The following TINAG variants were observed in gnomAD, a reference collection of about 807,000 sequenced individuals.
TINAG encodes the protein tubulointerstitial nephritis antigen.
Under a neutral mutation model 72.7 loss-of-function variants are expected in TINAG, and 83 were observed. The observed-to-expected ratio is 1.14, with a 90% CI of 0.96 to 1.37. The LOEUF is 1.37. TINAG is among the 40% of genes most tolerant of loss of function. TINAG has a pLI of 0.00. For missense variants in TINAG, 685 were observed against 576.6 expected (o/e 1.19, Z -1.93); for synonymous variants, 234 against 189.9 (o/e 1.23, Z -1.91).
intron 1 of TINAG, among the ~76,000 whole-genome samples, chr6:54,309,905 T>C (rs1274813860): frequency 6.6e-6 from 1 of 152,106 alleles, no homozygotes; most frequent in Non-Finnish European, 1.5e-5. Context: ...ATCTTGTTTG[T>C]AAAATTGAGG....
chr6:54,338,144 A>C (rs1403533778), intron 4 of TINAG, among the ~76,000 whole-genome samples: 1 of 152,138 alleles, frequency 6.6e-6, no homozygotes, highest in Non-Finnish European at 1.5e-5. Flanking sequence ...CTCTCAAATC[A>C]ATTTTCAGAT....
intron 4 of TINAG, among the ~76,000 whole-genome samples, chr6:54,339,025 G>A (rs747170383): frequency 2.0e-5 from 3 of 152,068 alleles, no homozygotes; most frequent in African/African-American, 7.2e-5. Flanking sequence ...AAATATCACA[G>A]TTCATCCATT....
chr6:54,371,110 CTGTGTGTGTGTGTG>C lies in TINAG; in HGVS notation c.1251-9400_1251-9387del, dbSNP rs70983416. ...TCCAAAAAAATGTCACTTACGAAAA[CTGTGTGTGTGTGTG>C]TGTGTGTGTGTGTGTCAGAGAGAGA... On this transcript the variant is annotated intron_variant, in intron 9 of 10. Coordinates refer to ENST00000259782, the MANE Select transcript of TINAG (RefSeq NM_014464.4). Among the ~76,000 whole-genome samples the C allele has an allele frequency of 4.0e-3, 594 of 149,084 alleles. 4 individuals carry two copies. Among genetic ancestry groups the C allele is most frequent in the Non-Finnish European group, 5.5e-3 (373 of 67,216 alleles).
intron 9 of TINAG, chr6:54,365,535 A>C (rs1037601877): frequency 6.6e-6 from 1 of 151,520 alleles, no homozygotes; most frequent in Admixed American, 6.6e-5. Context: ...GACAATGAAG[A>C]AGAGCATAAG....
intron 10 of TINAG, among the ~76,000 whole-genome samples, chr6:54,381,290 C>T (rs1344308020): frequency 6.6e-6 from 1 of 151,418 alleles, no homozygotes; most frequent in Non-Finnish European, 1.5e-5. Context: ...AAGATTGGAA[C>T]ATATTACCTC....
At position 54,390,054 on chromosome 6, in the gene TINAG, T is replaced by A; in HGVS notation, c.*129T>A. The A allele has an allele frequency of 7.6e-7, 1 of 1,311,186 alleles. No individual in the cohort carries two copies. The highest frequency in any genetic ancestry group is 2.4e-4 in the Middle Eastern group (1 of 4,140). The allele number at this position is 1,311,186 out of a possible 1,614,324, so 81.2% of individuals were successfully genotyped here. On this transcript the variant is annotated 3_prime_UTR_variant, in exon 11 of 11. Transcript: ENST00000259782. ...GTGTTAACATAATCTATCTATTTTC[T>A]TATTTTCCCCTCTGGTCTATGCTTC...
intron 4 of TINAG, among the ~76,000 whole-genome samples, chr6:54,333,361 A>G (rs939465951): frequency 1.3e-5 from 2 of 152,072 alleles, no homozygotes. Context: ...GCAAACTAAG[A>G]CAGGAACAGA....
At chr6:54,337,624 C>G (rs1264529671) in intron 4 of TINAG, among the ~76,000 whole-genome samples, 7 of 152,098 alleles carry the variant, frequency 4.6e-5, no homozygotes, top group Non-Finnish European at 1.0e-4. Flanking sequence ...GATTGCAATA[C>G]CATATGTCAC....
At chr6:54,327,919 T>C (rs1784646277) in intron 4 of TINAG, among the ~76,000 whole-genome samples, 2 of 152,102 alleles carry the variant, frequency 1.3e-5, no homozygotes, top group Admixed American at 1.3e-4. Flanking sequence ...CTCTCTAGAT[T>C]CCTCCTGTCT....
chr6:54,341,138 T>C (rs953311921), intron 4 of TINAG, among the ~76,000 whole-genome samples: 1 of 152,138 alleles, frequency 6.6e-6, no homozygotes, highest in Non-Finnish European at 1.5e-5. Context: ...AAATAACAAT[T>C]GACACTCCAC....
chr6:54,311,870 T>C (rs1784266970), intron 1 of TINAG, among the ~76,000 whole-genome samples: 1 of 152,196 alleles, frequency 6.6e-6, no homozygotes, highest in African/African-American at 2.4e-5. Flanking sequence ...ATAAAATTTA[T>C]AGACTTATTT....
intron 1 of TINAG, among the ~76,000 whole-genome samples, chr6:54,314,950 T>A (rs2150930543): frequency 6.6e-6 from 1 of 152,298 alleles, no homozygotes; most frequent in South Asian, 2.1e-4. Context: ...CACATTAGAC[T>A]ATAAATGCTC....
chr6:54,371,985 T>G (rs1034710512), intron 9 of TINAG, among the ~76,000 whole-genome samples: 2 of 83,414 alleles, frequency 2.4e-5, no homozygotes, highest in Admixed American at 1.0e-4. Flanking sequence ...AGTCATGTTT[T>G]TTTTTTTTTT....
intron 4 of TINAG, among the ~76,000 whole-genome samples, chr6:54,333,857 G>C (rs890274982): frequency 6.6e-6 from 1 of 152,040 alleles, no homozygotes; most frequent in African/African-American, 2.4e-5. Flanking sequence ...AGTATCTTCA[G>C]ACATATATGC....
chr6:54,321,410 G>A, intron 3 of TINAG, 24 bp downstream of exon 3: 1 of 1,518,804 alleles, frequency 6.6e-7, no homozygotes. Context: ...TGCTTTGTAT[G>A]TTTCTTGACA....
chr6:54,353,397 C>G (rs1466012195), intron 8 of TINAG, among the ~76,000 whole-genome samples: 1 of 151,816 alleles, frequency 6.6e-6, no homozygotes, highest in Non-Finnish European at 1.5e-5. Context: ...TTTCCCCTGT[C>G]TCAGTACGAA....
At position 54,308,534 on chromosome 6, in the gene TINAG, T is replaced by C. The variant is rs770543263; in HGVS notation, c.-17T>C. The C allele has an allele frequency of 1.2e-5, 19 of 1,590,806 alleles. No homozygotes were observed. In the Admixed American group the frequency reaches 2.9e-4, roughly 25 times the overall value. ...TGGATATAACGGAAAGTGGAAGCTA[T>C]ACCTGACTTCCAGAGAATGTGGACC... On this transcript the variant is annotated 5_prime_UTR_variant, in exon 1 of 11. Coordinates refer to ENST00000259782, the MANE Select transcript of TINAG (RefSeq NM_014464.4).
intron 9 of TINAG, chr6:54,365,262 G>A (rs1037357978): frequency 6.6e-6 from 1 of 151,552 alleles, no homozygotes; most frequent in Non-Finnish European, 1.5e-5. Context: ...ATTGCAAAAG[G>A]CTTCTCTCCT....
At chr6:54,333,288 A>T (rs762224107) in intron 4 of TINAG, among the ~76,000 whole-genome samples, 5 of 152,214 alleles carry the variant, frequency 3.3e-5, no homozygotes, top group African/African-American at 1.2e-4. Flanking sequence ...CTATGCAGCC[A>T]TAAAAAGGAT....
Sources: allele counts gnomAD v4.1 joint callset (sites outside exome capture counted in the v4.1 genomes callset), GRCh38; gene constraint gnomAD v4.1.1; transcripts MANE v1.5; gene names NCBI Gene and HGNC (gene_info 2026-07-23, HGNC 2026-07-21).